The following TENM3 variants were observed in gnomAD, a reference collection of about 807,000 sequenced individuals.
TENM3 encodes teneurin transmembrane protein 3.
Under a neutral mutation model 255.1 loss-of-function variants are expected in TENM3, and 63 were observed. The observed-to-expected ratio is 0.25, with a 90% CI of 0.20 to 0.30. TENM3 has a LOEUF of 0.30. Ranked by LOEUF, TENM3 falls within the 10% of genes least tolerant of loss-of-function variation. TENM3 has a pLI of 1.00. For missense variants in TENM3, 2,929 were observed against 3,461.1 expected (o/e 0.85, Z 3.86); for synonymous variants, 1,306 against 1,322.3 (o/e 0.99, Z 0.27).
the TENM3 span, among the ~76,000 whole-genome samples, chr4:181,634,429 C>A: frequency 7.2e-6 from 1 of 139,780 alleles, no homozygotes; most frequent in Non-Finnish European, 1.5e-5. Context: ...TCCTTTATAG[C>A]CATTTATCAT....
At chr4:181,448,806 G>A in the TENM3 span, among the ~76,000 whole-genome samples, 8 of 152,022 alleles carry the variant, frequency 5.3e-5, no homozygotes, top group Admixed American at 5.2e-4. Context: ...GCAGCTTCAC[G>A]TTTTTTTACT....
At chr4:181,500,973 C>T in the TENM3 span, among the ~76,000 whole-genome samples, 1 of 152,164 alleles carries the variant, frequency 6.6e-6, no homozygotes, top group Non-Finnish European at 1.5e-5. Context: ...CCTGTCAGTA[C>T]CCCTAATCTC....
the TENM3 span, among the ~76,000 whole-genome samples, chr4:181,562,413 A>G: frequency 2.5e-3 from 381 of 152,314 alleles, 5 homozygotes; most frequent in African/African-American, 8.9e-3. Context: ...AAACTCCCAA[A>G]GCACAGTTGT....
the TENM3 span, among the ~76,000 whole-genome samples, chr4:182,030,052 T>TTTG: frequency 0.71 from 95,828 of 134,434 alleles, 35,212 homozygotes; most frequent in East Asian, 0.89. Context: ...TCAATGCATC[T>TTTG]TTGTTGTTGT....
At chr4:182,018,772 T>C in the TENM3 span, among the ~76,000 whole-genome samples, 2 of 152,178 alleles carry the variant, frequency 1.3e-5, no homozygotes, top group Non-Finnish European at 2.9e-5. Flanking sequence ...TATTTTGAGA[T>C]TTAATAATAG....
At chr4:181,856,049 GA>G in the TENM3 span, among the ~76,000 whole-genome samples, 5 of 21,346 alleles carry the variant, frequency 2.3e-4, no homozygotes, top group Admixed American at 1.6e-3. Context: ...AGGAAGGAAG[GA>G]AAGGGAAAGA....
At chr4:181,800,578 A>G in the TENM3 span, among the ~76,000 whole-genome samples, 7 of 152,304 alleles carry the variant, frequency 4.6e-5, no homozygotes, top group Admixed American at 2.6e-4. Flanking sequence ...GGTTGCAGTG[A>G]GCCGAGATTG....
At chr4:182,482,032 T>TATTTA (rs1484808372) in intron 3 of TENM3, among the ~76,000 whole-genome samples, 2 of 152,202 alleles carry the variant, frequency 1.3e-5, no homozygotes, top group Non-Finnish European at 2.9e-5. Flanking sequence ...TAATTGAGTA[T>TATTTA]ATTTAAATGC....
chr4:182,652,532 C>G (rs1247663840), intron 5 of TENM3, among the ~76,000 whole-genome samples: 1 of 152,162 alleles, frequency 6.6e-6, no homozygotes. Flanking sequence ...AACAAACCTC[C>G]TTTTAAAAAT....
chr4:182,243,946 CTTTTTTT>C lies in TENM3; in HGVS notation c.-76+489_-76+495del, dbSNP rs967487689. On this transcript the variant is annotated intron_variant, in intron 1 of 27. Transcript: ENST00000511685. ...CCAAGAATGGAATCATTTGTGTTTT[CTTTTTTT>C]TTTTTTTTTTTTTTTTTTGAGACGG... 1.3e-3 allele frequency among the ~76,000 whole-genome samples: 97 copies of C among 72,876 alleles called. 1 individual carries two copies. Among genetic ancestry groups the C allele is most frequent in the Admixed American group, 3.3e-3 (17 of 5,192 alleles). 47.8% of individuals were successfully genotyped at this position (72,876 alleles called of 152,430 possible).
chr4:182,243,044 C>T (rs1757380375), upstream of TENM3, among the ~76,000 whole-genome samples: 1 of 152,190 alleles, frequency 6.6e-6, no homozygotes, highest in Admixed American at 6.5e-5. Context: ...AGAGAGGCTA[C>T]AATGAATTCA....
At chr4:181,596,155 C>T in the TENM3 span, among the ~76,000 whole-genome samples, 2 of 152,274 alleles carry the variant, frequency 1.3e-5, no homozygotes, top group South Asian at 4.1e-4. Flanking sequence ...TTATAAGTAA[C>T]TGAAGTCTTG....
Position 182,800,347 on chromosome 4 carries a change from G to A in TENM3, c.8096G>A (p.Arg2699Lys), listed in dbSNP as rs1359939031. The A allele has an allele frequency of 6.4e-7, 1 of 1,557,090 alleles. No homozygotes were observed. The highest frequency in any genetic ancestry group is 1.8e-5 in the Admixed American group (1 of 54,128). ...CTGCGGCAGAGCGAGATCGGCAGGA[G>A]GTAACGCCCGGGCCGCGCCCGCCGA... is the stretch of plus-strand genomic sequence containing the variant. ...QFLRQSEIGR[R>K] The change falls in exon 28 of 28, where the codon AGG becomes AAG. Residue 2699 changes from arginine (R) to lysine (K), a missense_variant. Arg to Lys is a conservative substitution (Grantham distance 26). Transcript: ENST00000511685.
chr4:181,920,478 T>C, the TENM3 span, among the ~76,000 whole-genome samples: 1 of 152,248 alleles, frequency 6.6e-6, no homozygotes, highest in Non-Finnish European at 1.5e-5. Context: ...ATTTCTCTGA[T>C]GGCAAGTGAT....
chr4:181,508,675 T>A, the TENM3 span, among the ~76,000 whole-genome samples: 1 of 152,202 alleles, frequency 6.6e-6, no homozygotes, highest in Non-Finnish European at 1.5e-5. Context: ...AATTGTCACA[T>A]GGCAGAAAGC....
At chr4:181,923,568 C>T in the TENM3 span, among the ~76,000 whole-genome samples, 41 of 152,076 alleles carry the variant, frequency 2.7e-4, no homozygotes, top group Admixed American at 1.0e-3. Context: ...TTATCAAAGC[C>T]GATTATTAGC....
At chr4:181,476,307 G>A in the TENM3 span, among the ~76,000 whole-genome samples, 2 of 151,404 alleles carry the variant, frequency 1.3e-5, no homozygotes, top group Non-Finnish European at 2.9e-5. Flanking sequence ...ATTCAGGCTG[G>A]CTCCGAATGC....
chr4:182,475,729 A>G (rs1156832616), intron 3 of TENM3, among the ~76,000 whole-genome samples: 1 of 152,222 alleles, frequency 6.6e-6, no homozygotes, highest in African/African-American at 2.4e-5. Context: ...TTTAATCTTC[A>G]CTGACTAATT....
At chr4:181,657,193 G>A in the TENM3 span, among the ~76,000 whole-genome samples, 5 of 152,192 alleles carry the variant, frequency 3.3e-5, no homozygotes, top group Non-Finnish European at 1.5e-5. Flanking sequence ...ATGCCAATGA[G>A]TTGCACCAGG....
Sources: allele counts gnomAD v4.1 joint callset (sites outside exome capture counted in the v4.1 genomes callset), GRCh38; gene constraint gnomAD v4.1.1; transcripts MANE v1.5; gene names NCBI Gene and HGNC (gene_info 2026-07-23, HGNC 2026-07-21).